MCTP2: variants seen among roughly 807,000 people sequenced by gnomAD.
MCTP2 encodes multiple C2 and transmembrane domain containing 2.
Under a neutral mutation model 111.6 loss-of-function variants are expected in MCTP2, and 132 were observed. That is an observed-to-expected ratio of 1.18 (90% CI 1.03 to 1.37). The LOEUF (loss-of-function observed/expected upper bound fraction) is 1.37, where lower values mean the gene tolerates loss of function less well. Among genes scored for constraint, MCTP2 ranks in the 40% most tolerant of loss-of-function variants. The pLI is 0.00. For synonymous variants in MCTP2, 395 were observed against 387.7 expected (o/e 1.02, Z -0.22); for missense variants, 1,183 against 1,067.9 (o/e 1.11, Z -1.50).
intron 17 of MCTP2, among the ~76,000 whole-genome samples, chr15:94,431,939 G>T (rs1055283790): frequency 1.3e-5 from 2 of 152,128 alleles, no homozygotes; most frequent in African/African-American, 4.8e-5. Context: ...GTGTGTGTTT[G>T]CTGCCCTTTC....
chr15:94,280,383 T>C (rs1047183886), intron 1 of MCTP2, among the ~76,000 whole-genome samples: 29 of 151,584 alleles, frequency 1.9e-4, no homozygotes, highest in Non-Finnish European at 1.6e-4. Context: ...TTTTCTAGTT[T>C]GTGTGCATAA....
At chr15:94,450,332 CCATGTGTGTGTG>C (rs946180074) in intron 19 of MCTP2, among the ~76,000 whole-genome samples, 34 of 152,232 alleles carry the variant, frequency 2.2e-4, no homozygotes, top group South Asian at 2.1e-4. Flanking sequence ...GGCGTTGACT[CCATGTGTGTGTG>C]CGTGTGTGTG....
At chr15:94,458,061 C>T in intron 19 of MCTP2, 76 bp from the exon 20 acceptor site, 2 of 800,470 alleles carry the variant, frequency 2.5e-6, no homozygotes, top group Non-Finnish European at 4.3e-6. Context: ...GTTATTATAA[C>T]ATGTTATAAT....
intron 19 of MCTP2, among the ~76,000 whole-genome samples, chr15:94,445,593 C>T (rs1199198768): frequency 1.3e-5 from 2 of 152,138 alleles, no homozygotes; most frequent in African/African-American, 2.4e-5. Flanking sequence ...GGTTTCTTCT[C>T]TGTGCAGATC....
intron 20 of MCTP2, among the ~76,000 whole-genome samples, chr15:94,464,247 TA>T (rs1174433165): frequency 1.5e-4 from 9 of 60,120 alleles, no homozygotes; most frequent in Admixed American, 3.5e-4. Flanking sequence ...ATAATATATA[TA>T]TATATATATT....
At position 94,476,694 on chromosome 15, in the gene MCTP2, A is replaced by C. The variant is rs1178846381; in HGVS notation, c.2471-2A>C. ...GAGATCTCCTGTGTTTCTATTTTTCAGGCATAAATAAATTTACTAAGAAGC... is the reference window on the plus strand; with the variant it reads ...GAGATCTCCTGTGTTTCTATTTTTCCGGCATAAATAAATTTACTAAGAAGC... On this transcript the variant is annotated splice_acceptor_variant, in intron 21 of 22. Coordinates refer to ENST00000357742, the MANE Select transcript of MCTP2 (RefSeq NM_001385001.1). LOFTEE classifies it high-confidence loss of function. 6.7e-7 allele frequency: 1 copy of C among 1,492,588 alleles called. No individual in the cohort carries two copies. Among genetic ancestry groups the C allele is most frequent in the Admixed American group, 1.7e-5 (1 of 59,762 alleles). 92.5% of individuals were successfully genotyped at this position (1,492,588 alleles called of 1,614,324 possible).
intron 1 of MCTP2, among the ~76,000 whole-genome samples, chr15:94,240,235 C>T (rs2070847557): frequency 6.6e-6 from 1 of 152,082 alleles, no homozygotes; most frequent in African/African-American, 2.4e-5. Flanking sequence ...CTCTTAGGAA[C>T]CCTATTAGAT....
chr15:94,292,375 A>G (rs956449065), intron 1 of MCTP2, among the ~76,000 whole-genome samples: 7 of 152,232 alleles, frequency 4.6e-5, no homozygotes, highest in South Asian at 2.1e-4. Flanking sequence ...GTGATTTTCT[A>G]TGAAGAAGAC....
intron 1 of MCTP2, among the ~76,000 whole-genome samples, chr15:94,274,639 C>T (rs376712570): frequency 2.6e-4 from 39 of 152,176 alleles, no homozygotes; most frequent in Non-Finnish European, 4.1e-4. Context: ...CCCCCCTCCC[C>T]ACAACAGCAA....
intron 10 of MCTP2, 108 bp from the exon 11 acceptor site, chr15:94,367,497 C>T (rs2079252385): frequency 7.1e-6 from 6 of 843,806 alleles, no homozygotes; most frequent in African/African-American, 1.8e-5. Flanking sequence ...TAAGACCAGA[C>T]AGAGTGAGTT....
intron 17 of MCTP2, chr15:94,403,059 A>G (rs2081684094): frequency 5.1e-6 from 5 of 987,298 alleles, no homozygotes; most frequent in Non-Finnish European, 4.8e-6. Flanking sequence ...TTTTTATGCC[A>G]TCAAGTATAT....
At chr15:94,420,163 C>G in intron 17 of MCTP2, among the ~76,000 whole-genome samples, 1 of 152,088 alleles carries the variant, frequency 6.6e-6, no homozygotes. Flanking sequence ...TTTGCAGCAT[C>G]ATTTACTGAA....
At chr15:94,232,575 T>C (rs1164706665) in intron 1 of MCTP2, among the ~76,000 whole-genome samples, 2 of 152,310 alleles carry the variant, frequency 1.3e-5, no homozygotes, top group South Asian at 2.1e-4. Flanking sequence ...TCAACAAATA[T>C]TTATTGTACA....
intron 21 of MCTP2, among the ~76,000 whole-genome samples, chr15:94,471,279 G>A (rs138085937): frequency 1.3e-4 from 20 of 152,248 alleles, no homozygotes; most frequent in Non-Finnish European, 2.6e-4. Flanking sequence ...CTCAATGCTC[G>A]TCACTTCCAG....
chr15:94,252,584 T>C (rs756075766), intron 1 of MCTP2, among the ~76,000 whole-genome samples: 62 of 149,812 alleles, frequency 4.1e-4, no homozygotes, highest in Admixed American at 6.6e-4. Context: ...TGACACAGAG[T>C]GGAGAAAAAT....
At chr15:94,236,195 A>T (rs2070528149) in intron 1 of MCTP2, among the ~76,000 whole-genome samples, 1 of 152,006 alleles carries the variant, frequency 6.6e-6, no homozygotes, top group African/African-American at 2.4e-5. Context: ...TGATCTGATT[A>T]TTAGAGGCCT....
intron 1 of MCTP2, among the ~76,000 whole-genome samples, chr15:94,243,051 A>ATCTACACATACACGTGTATATGTGTG (rs2071148542): frequency 1.1e-5 from 1 of 89,404 alleles, no homozygotes; most frequent in African/African-American, 4.3e-5. Context: ...GTATATGTGT[A>ATCTACACATACACGTGTATATGTGTG]TCTACACATA....
intron 1 of MCTP2, among the ~76,000 whole-genome samples, chr15:94,292,608 G>A (rs528682681): frequency 1.2e-4 from 18 of 152,224 alleles, no homozygotes; most frequent in Admixed American, 1.0e-3. Flanking sequence ...TGAAAGAAAT[G>A]AAGGAAGACC....
chr15:94,412,001 A>C (rs2082173514), intron 17 of MCTP2, among the ~76,000 whole-genome samples: 1 of 152,172 alleles, frequency 6.6e-6, no homozygotes, highest in South Asian at 2.1e-4. Context: ...ACAGAAATAT[A>C]CTTGTGGGCC....
Sources: gnomAD v4.1 joint callset for allele counts (sites outside exome capture counted in the v4.1 genomes callset) on GRCh38, gnomAD v4.1.1 for gene constraint, MANE v1.5 for transcripts, NCBI Gene and HGNC (gene_info 2026-07-23, HGNC 2026-07-21) for gene names.